Variants in ARHGEF10L observed in about 807,000 individuals in gnomAD.
ARHGEF10L encodes rho guanine nucleotide exchange factor 10-like protein.
ARHGEF10L carries 69 observed loss-of-function variants against 141.2 expected under a neutral mutation model. The ratio of observed to expected loss-of-function variants is 0.49; its 90% CI spans 0.40 to 0.60. The LOEUF (loss-of-function observed/expected upper bound fraction) is 0.60, where lower values mean the gene tolerates loss of function less well. Among genes scored for constraint, ARHGEF10L ranks in the 20% least tolerant of loss-of-function variants. ARHGEF10L has a pLI of 0.00. For missense variants in ARHGEF10L, 1,482 were observed against 1,734.3 expected (o/e 0.85, Z 2.58); for synonymous variants, 711 against 718.5 (o/e 0.99, Z 0.17).
chr1:17,637,942 A>T lies in ARHGEF10L; in HGVS notation c.1982A>T (p.Lys661Met). ...RLFQELQDLQ[K>M]DLAVVEQITL... ...TTCCAGGAGCTGCAGGACCTGCAGA[A>T]GGACCTGGCCGTGGTGGAGCAGATC... is the stretch of plus-strand genomic sequence containing the variant. Residue 661 changes from lysine to methionine, a missense_variant, in exon 19 of 29, where the codon AAG becomes ATG. Physicochemically the swap from Lys to Met is moderately conservative, Grantham distance 95. Around this residue, in one of 3 missense-constraint regions of ARHGEF10L, gnomAD observed 858 missense variants for 966.3 expected, o/e 0.89. Coordinates refer to ENST00000361221, the MANE Select transcript of ARHGEF10L (RefSeq NM_018125.4). The T allele has an allele frequency of 6.2e-7, 1 of 1,603,094 alleles. No homozygotes were observed. The highest frequency in any genetic ancestry group is 1.1e-5 in the South Asian group (1 of 88,442).
chr1:17,692,899 A>G (rs750167472), intron 27 of ARHGEF10L, among the ~76,000 whole-genome samples: 15 of 152,000 alleles, frequency 9.9e-5, no homozygotes, highest in Non-Finnish European at 1.8e-4. Context: ...GGGCCTTTGC[A>G]TGCCCTGTCT....
chr1:17,608,005 T>C (rs1195118662), intron 7 of ARHGEF10L, 28 bp downstream of exon 7: 1 of 801,660 alleles, frequency 1.2e-6, no homozygotes, highest in Non-Finnish European at 1.7e-6. Context: ...GTCGCTCACC[T>C]CAGTCAGGGC....
intron 1 of ARHGEF10L, among the ~76,000 whole-genome samples, chr1:17,546,448 T>C (rs183170215): frequency 6.6e-6 from 1 of 152,314 alleles, no homozygotes; most frequent in East Asian, 1.9e-4. Flanking sequence ...TTAATTTCCA[T>C]GCCGATCCTG....
chr1:17,529,824 C>CTTTT, the ARHGEF10L span, among the ~76,000 whole-genome samples: 26 of 67,192 alleles, frequency 3.9e-4, no homozygotes, highest in East Asian at 1.8e-3. Flanking sequence ...ACACATCAGT[C>CTTTT]TTTTTTTTTT....
At position 17,627,330 on chromosome 1, in the gene ARHGEF10L, G is replaced by A. The variant is rs368059830; in HGVS notation, c.1411G>A (p.Asp471Asn). Residue 471 changes from aspartate (D) to asparagine (N), a missense_variant and splice_region_variant, in exon 15 of 29, where the codon GAC becomes AAC. Physicochemically the swap from Asp to Asn is conservative, Grantham distance 23. This residue lies in a region of ARHGEF10L where 392 missense variants were observed against 542.1 expected (regional missense o/e 0.72). Transcript: ENST00000361221. The surrounding 1 kb of genome is among the most constrained non-coding windows in gnomAD (Gnocchi z 4.0). The part of the protein sequence containing the change: ...RFPQFILLLQ[D>N]MLKNTPRGHP... ...CTCAGTCTCTGCTCTGACCTGGCAG[G>A]ACATGCTGAAGAACACCCCCAGGGG... is the stretch of plus-strand genomic sequence containing the variant. 59 of 1,613,424 alleles carry A rather than the reference G, an allele frequency of 3.7e-5. No homozygotes were observed. The highest frequency in any genetic ancestry group is 4.8e-5 in the Non-Finnish European group (57 of 1,179,636).
chr1:17,670,649 G>C (rs1268980406), intron 26 of ARHGEF10L, among the ~76,000 whole-genome samples: 1 of 152,242 alleles, frequency 6.6e-6, no homozygotes, highest in Non-Finnish European at 1.5e-5. Context: ...CTGCCACCCT[G>C]GCTTGTGGGA....
Position 17,636,189 on chromosome 1 carries a change from A to T in ARHGEF10L, c.1927+1173A>T, listed in dbSNP as rs926947466. ...CTAGCATCCTTCATGCACTCCAGGG[A>T]CGCTTAGGGGATCCCTCCTTCGGTG... On this transcript the variant is annotated intron_variant, in intron 18 of 28. Transcript: ENST00000361221. 5.1e-4 allele frequency among the ~76,000 whole-genome samples: 77 copies of T among 152,070 alleles called. 1 individual carries two copies. The highest frequency in any genetic ancestry group is 6.9e-4 in the Non-Finnish European group (47 of 68,010).
Position 17,637,925 on chromosome 1 carries a change from G to A in ARHGEF10L, c.1965G>A (p.Glu655=), listed in dbSNP as rs199644902. Residue 655 remains glutamate (E), a synonymous_variant, in exon 19 of 29, where the codon GAG becomes GAA. Coordinates refer to ENST00000361221, the MANE Select transcript of ARHGEF10L (RefSeq NM_018125.4). ...TCGGCCCCCCACGCCTCTTCCAGGA[G>A]CTGCAGGACCTGCAGAAGGACCTGG... The part of the protein sequence containing the change: ...VYLGPPRLFQ[E]LQDLQKDLAV... 2.5e-6 allele frequency: 4 copies of A among 1,600,922 alleles called. No homozygotes were observed. The highest frequency in any genetic ancestry group is 4.5e-5 in the East Asian group (2 of 44,376).
At chr1:17,685,863 G>A (rs1222386925) in intron 26 of ARHGEF10L, among the ~76,000 whole-genome samples, 1 of 152,160 alleles carries the variant, frequency 6.6e-6, no homozygotes, top group Non-Finnish European at 1.5e-5. Context: ...TTTAATAGCA[G>A]GTTGGATCTC....
At chr1:17,562,415 T>C (rs2077578538) in intron 1 of ARHGEF10L, among the ~76,000 whole-genome samples, 2 of 151,852 alleles carry the variant, frequency 1.3e-5, no homozygotes, top group South Asian at 4.2e-4. Context: ...AGACCTTGTC[T>C]CAAACAAACA....
intron 4 of ARHGEF10L, among the ~76,000 whole-genome samples, chr1:17,589,069 T>C (rs1317724401): frequency 2.0e-5 from 3 of 152,072 alleles, no homozygotes; most frequent in Non-Finnish European, 4.4e-5. Context: ...GCCTAGTGGT[T>C]AGGAGCCTGG....
chr1:17,634,921 T>C lies in ARHGEF10L; in HGVS notation c.1832T>C (p.Val611Ala). 6.2e-7 allele frequency: 1 copy of C among 1,614,034 alleles called. No individual in the cohort carries two copies. The highest frequency in any genetic ancestry group is 8.5e-7 in the Non-Finnish European group (1 of 1,179,980). Residue 611 changes from valine to alanine, a missense_variant, in exon 18 of 29, where the codon GTG becomes GCG. Physicochemically the swap from Val to Ala is moderately conservative, Grantham distance 64. Around this residue, in one of 3 missense-constraint regions of ARHGEF10L, gnomAD observed 858 missense variants for 966.3 expected, o/e 0.89. Transcript: ENST00000361221. Reference sequence around the variant, plus strand: ...ACGGCGCTGCCCCAGGTGCAGGTGGTGGAGGTGGGCCAGGACGGTGGCACC... The same window carrying C: ...ACGGCGCTGCCCCAGGTGCAGGTGGCGGAGGTGGGCCAGGACGGTGGCACC... ...WNTALPQVQV[V>A]EVGQDGGTYD...
intron 26 of ARHGEF10L, among the ~76,000 whole-genome samples, chr1:17,674,507 A>G (rs2063519283): frequency 6.6e-6 from 1 of 152,174 alleles, no homozygotes; most frequent in Admixed American, 6.5e-5. Flanking sequence ...CCTGCCACTG[A>G]TCCGAGGAGC....
At chr1:17,539,177 G>A (rs1205030837), upstream of ARHGEF10L, among the ~76,000 whole-genome samples, 1 of 152,232 alleles carries the variant, frequency 6.6e-6, no homozygotes, top group East Asian at 1.9e-4. This position sits in a 1 kb window ranked among gnomAD's most constrained non-coding sequence, Gnocchi z 6.0. Context: ...TGTTCTTGGA[G>A]GTTTGGCTGC....
the ARHGEF10L span, among the ~76,000 whole-genome samples, chr1:17,530,630 C>T: frequency 6.6e-6 from 1 of 152,092 alleles, no homozygotes; most frequent in African/African-American, 2.4e-5. Flanking sequence ...GTCACATAGA[C>T]CTGGGATCTG....
intron 28 of ARHGEF10L, 26 bp from the exon 29 acceptor site, chr1:17,696,822 T>C: frequency 6.6e-7 from 1 of 1,513,968 alleles, no homozygotes; most frequent in Non-Finnish European, 8.9e-7. Flanking sequence ...TTTGGGCCCC[T>C]TTCTCTCTCG....
chr1:17,526,932 C>G, the ARHGEF10L span, among the ~76,000 whole-genome samples: 1 of 151,042 alleles, frequency 6.6e-6, no homozygotes, highest in Admixed American at 6.6e-5. Context: ...AAAGACAAGG[C>G]TCAGGGATGG....
chr1:17,676,934 C>T (rs2063759892), intron 26 of ARHGEF10L, among the ~76,000 whole-genome samples: 1 of 151,898 alleles, frequency 6.6e-6, no homozygotes, highest in Non-Finnish European at 1.5e-5. Flanking sequence ...TCCACTAGTT[C>T]TCCTCTGGGC....
At chr1:17,568,185 C>T (rs757376933) in intron 1 of ARHGEF10L, among the ~76,000 whole-genome samples, 8 of 152,192 alleles carry the variant, frequency 5.3e-5, no homozygotes, top group South Asian at 4.1e-4. Context: ...TCTTGTAGGC[C>T]GGTGCTGCTG....
Sources: gnomAD v4.1 joint callset for allele counts (sites outside exome capture counted in the v4.1 genomes callset) on GRCh38, gnomAD v4.1.1 for gene constraint, gnomAD v4.1.1 regional missense constraint, Gnocchi (gnomAD v3.1) non-coding constraint, MANE v1.5 for transcripts, NCBI Gene and HGNC (gene_info 2026-07-23, HGNC 2026-07-21) for gene names.